CDH13: variants seen among roughly 807,000 people sequenced by gnomAD.
The protein encoded by CDH13 is cadherin 13, also known as cadherin-13.
Under a neutral mutation model 63.8 loss-of-function variants are expected in CDH13, and 24 were observed. The ratio of observed to expected loss-of-function variants is 0.38; its 90% CI spans 0.27 to 0.53. The LOEUF (loss-of-function observed/expected upper bound fraction) is 0.53. Among genes scored for constraint, CDH13 ranks in the 20% least tolerant of loss-of-function variants. The pLI, the probability that CDH13 is intolerant of heterozygous loss-of-function variation, is 0.85. For synonymous variants in CDH13, 503 were observed against 355.3 expected (o/e 1.42, Z -4.67); for missense variants, 1,049 against 903.1 (o/e 1.16, Z -2.07).
chr16:82,945,128 A>G (rs1356857405), intron 2 of CDH13, among the ~76,000 whole-genome samples: 1 of 152,176 alleles, frequency 6.6e-6, no homozygotes, highest in Non-Finnish European at 1.5e-5. Context: ...TAATAACACA[A>G]AGACATTTCT....
chr16:83,144,855 T>C (rs944139116), intron 4 of CDH13, among the ~76,000 whole-genome samples: 3 of 152,198 alleles, frequency 2.0e-5, no homozygotes, highest in Non-Finnish European at 2.9e-5. Flanking sequence ...GAAATGGCCT[T>C]CTCTCCTAAC....
chr16:83,304,066 T>C (rs538383971), intron 5 of CDH13, among the ~76,000 whole-genome samples: 2 of 152,188 alleles, frequency 1.3e-5, no homozygotes, highest in Non-Finnish European at 2.9e-5. Flanking sequence ...ATTTTAATTA[T>C]TCATGGAATT....
At chr16:83,118,622 T>A (rs1030401568) in intron 3 of CDH13, among the ~76,000 whole-genome samples, 12 of 152,188 alleles carry the variant, frequency 7.9e-5, no homozygotes, top group Non-Finnish European at 1.3e-4. Context: ...CTGGTGTTAA[T>A]AAGACTCATC....
chr16:83,142,082 C>A (rs12597394), intron 4 of CDH13, among the ~76,000 whole-genome samples: 1 of 151,512 alleles, frequency 6.6e-6, no homozygotes, highest in African/African-American at 2.4e-5. Flanking sequence ...CGGATATAAC[C>A]GAAACGGGCT....
In CDH13 at chr16:83,369,152, C is replaced by T. The variant is rs573156935; in HGVS notation, c.781+24146C>T. On this transcript the variant is annotated intron_variant, in intron 6 of 13. Coordinates refer to ENST00000567109, the MANE Select transcript of CDH13 (RefSeq NM_001257.5). ...TAAGGAATCTCCACACTGTTTTTCA[C>T]AGTGGTTGTACTTGTTTACATTCCC... 1.2e-4 allele frequency among the ~76,000 whole-genome samples: 18 copies of T among 151,504 alleles called. No individual in the cohort carries two copies. The South Asian group carries it at 3.4e-3, about 28-fold the overall frequency.
At chr16:82,808,714 G>A (rs902741096) in intron 1 of CDH13, among the ~76,000 whole-genome samples, 3 of 152,160 alleles carry the variant, frequency 2.0e-5, no homozygotes, top group African/African-American at 7.2e-5. Flanking sequence ...TTTTATACAA[G>A]ATAAAGATGT....
rs1911860993 is a variant in CDH13 at position 83,646,796 on chromosome 16, C to T, written c.1102-23994C>T. ...TCAATTCTACCAAATTCCCATCCTACAGCCTGTTCCAGTAACCGCAGAGCC... is the reference window on the plus strand; with the variant it reads ...TCAATTCTACCAAATTCCCATCCTATAGCCTGTTCCAGTAACCGCAGAGCC... On this transcript the variant is annotated intron_variant, in intron 8 of 13. Transcript: ENST00000567109. Among the ~76,000 whole-genome samples the T allele has an allele frequency of 2.0e-5, 3 of 151,394 alleles. No individual in the cohort carries two copies. The South Asian group carries it at 6.3e-4, about 32-fold the overall frequency.
At chr16:83,213,409 C>T (rs150287836) in intron 4 of CDH13, among the ~76,000 whole-genome samples, 92 of 152,234 alleles carry the variant, frequency 6.0e-4, no homozygotes, top group Admixed American at 1.3e-3. Flanking sequence ...GAGGCCCATT[C>T]CCCCACCCCC....
intron 7 of CDH13, among the ~76,000 whole-genome samples, chr16:83,490,494 A>G (rs62040144): frequency 8.5e-5 from 13 of 152,278 alleles, no homozygotes; most frequent in Non-Finnish European, 1.5e-4. Context: ...ACATGGAGCC[A>G]TCTGAGGCAG....
chr16:82,674,208 G>C (rs1913628261), intron 1 of CDH13, among the ~76,000 whole-genome samples: 1 of 152,154 alleles, frequency 6.6e-6, no homozygotes, highest in Non-Finnish European at 1.5e-5. Context: ...GCAGCCTGGT[G>C]CCCTTCCTGC....
At chr16:82,963,621 T>A (rs1284784418) in intron 2 of CDH13, among the ~76,000 whole-genome samples, 2 of 152,192 alleles carry the variant, frequency 1.3e-5, no homozygotes, top group Non-Finnish European at 2.9e-5. Context: ...TAAACCTGAC[T>A]TCCCCATTAG....
intron 7 of CDH13, among the ~76,000 whole-genome samples, chr16:83,602,101 C>CAAAAAAAAAAAAAAAAAAAAAAAAAAA (rs1187641931): frequency 2.4e-4 from 1 of 4,172 alleles, no homozygotes. Context: ...AAAAAAAGAA[C>CAAAAAAAAAAAAAAAAAAAAAAAAAAA]AACAACAAAA....
chr16:83,079,668 A>G (rs1168185814), intron 3 of CDH13, among the ~76,000 whole-genome samples: 2 of 152,244 alleles, frequency 1.3e-5, no homozygotes, highest in Admixed American at 6.5e-5. Flanking sequence ...TCATAAATGT[A>G]TAAATAAAAG....
chr16:82,947,345 G>T (rs773959934), intron 2 of CDH13, among the ~76,000 whole-genome samples: 1 of 152,006 alleles, frequency 6.6e-6, no homozygotes, highest in African/African-American at 2.4e-5. Context: ...AGGAGGTGAC[G>T]GTCAAGAGTA....
chr16:83,167,330 C>T (rs778264954), intron 4 of CDH13, among the ~76,000 whole-genome samples: 2 of 151,774 alleles, frequency 1.3e-5, no homozygotes, highest in Admixed American at 6.6e-5. Context: ...AATCCCGTCT[C>T]TACTAAAAAT....
intron 4 of CDH13, among the ~76,000 whole-genome samples, chr16:83,196,980 T>G (rs1159250525): frequency 6.6e-6 from 1 of 152,298 alleles, no homozygotes; most frequent in East Asian, 1.9e-4. Flanking sequence ...ACACAAAACC[T>G]GTACACAAAT....
intron 1 of CDH13, among the ~76,000 whole-genome samples, chr16:82,798,284 G>A (rs1293045615): frequency 6.6e-6 from 1 of 152,118 alleles, no homozygotes; most frequent in Non-Finnish European, 1.5e-5. Context: ...ATTTTCGTAG[G>A]AGCCGCACAC....
chr16:83,738,447 C>G (rs1396019137), intron 10 of CDH13, among the ~76,000 whole-genome samples: 1 of 152,128 alleles, frequency 6.6e-6, no homozygotes, highest in Non-Finnish European at 1.5e-5. Flanking sequence ...TCTTTTTTCT[C>G]CTCCGTATTG....
intron 6 of CDH13, among the ~76,000 whole-genome samples, chr16:83,385,086 G>T (rs745475237): frequency 4.6e-5 from 7 of 152,350 alleles, no homozygotes; most frequent in Middle Eastern, 3.4e-3. Flanking sequence ...AATGGGTCAT[G>T]AAATTGCATG....
Sources: allele counts gnomAD v4.1 joint callset (sites outside exome capture counted in the v4.1 genomes callset), GRCh38; gene constraint gnomAD v4.1.1; transcripts MANE v1.5; gene names NCBI Gene and HGNC (gene_info 2026-07-23, HGNC 2026-07-21).